ADCY5: variants seen among roughly 807,000 people sequenced by gnomAD.
ADCY5 encodes the protein adenylate cyclase 5, also known as adenylate cyclase type 5.
ADCY5 carries 30 observed loss-of-function variants against 119.7 expected under a neutral mutation model. That is an observed-to-expected ratio of 0.25 (90% confidence interval 0.19 to 0.34). The LOEUF is 0.34. Among genes scored for constraint, ADCY5 ranks in the 10% least tolerant of loss-of-function variants. The probability of loss-of-function intolerance (pLI) is 1.00; values close to 1 mark genes in which losing one functional copy is unlikely to be tolerated. For synonymous variants in ADCY5, 753 were observed against 762.2 expected (o/e 0.99, Z 0.20); for missense variants, 1,324 against 1,775.2 (o/e 0.75, Z 4.57).
chr3:123,311,501 AAG>A (rs969218666), intron 12 of ADCY5, among the ~76,000 whole-genome samples: 2 of 152,126 alleles, frequency 1.3e-5, no homozygotes, highest in African/African-American at 4.8e-5. Context: ...CACAACATAA[AAG>A]AGGGAAGAAG....
chr3:123,346,664 T>TGA (rs1293408293), intron 3 of ADCY5, among the ~76,000 whole-genome samples: 2 of 147,662 alleles, frequency 1.4e-5, no homozygotes, highest in Admixed American at 6.6e-5. Context: ...TGTGTGTGTG[T>TGA]GAGAGAGAGA....
Position 123,383,981 on chromosome 3 carries a change from CAA to C in ADCY5, c.1135-31402_1135-31401del, listed in dbSNP as rs768530369. 1.2e-3 allele frequency among the ~76,000 whole-genome samples: 79 copies of C among 67,882 alleles called. 1 individual carries two copies. The highest frequency in any genetic ancestry group is 3.6e-3 in the East Asian group (6 of 1,684). 44.5% of individuals were successfully genotyped at this position (67,882 alleles called of 152,430 possible). Reference sequence around the variant, plus strand: ...ACGTGCGCGCGCGCACACACACACACAAACACACACCCACCCTTCCTCAAGGG... The same window carrying C: ...ACGTGCGCGCGCGCACACACACACACACACACACCCACCCTTCCTCAAGGG... On this transcript the variant is annotated intron_variant, in intron 1 of 20. Transcript: ENST00000462833.
chr3:123,303,757 G>A (rs1302865522), intron 13 of ADCY5, among the ~76,000 whole-genome samples: 1 of 152,080 alleles, frequency 6.6e-6, no homozygotes, highest in Non-Finnish European at 1.5e-5. Context: ...CCCAGGAGGT[G>A]GAGGTTGCAG....
At chr3:123,382,853 G>T (rs1373189145) in intron 1 of ADCY5, among the ~76,000 whole-genome samples, 1 of 117,460 alleles carries the variant, frequency 8.5e-6, no homozygotes, top group Non-Finnish European at 1.7e-5. Context: ...CCACCATGGT[G>T]AATGTACGTA....
intron 1 of ADCY5, among the ~76,000 whole-genome samples, chr3:123,444,318 G>GC (rs1945775206): frequency 6.6e-6 from 1 of 152,214 alleles, no homozygotes; most frequent in South Asian, 2.1e-4. Flanking sequence ...AGGCTGAGAG[G>GC]CCTCGAACAG....
rs778134092 is a variant in ADCY5, at chr3:123,447,862, C to T, written c.684G>A (p.Arg228=). The change falls in exon 1 of 21, where the codon CGG becomes CGA. Residue 228 remains arginine, a synonymous_variant. Transcript: ENST00000462833. The part of the protein sequence containing the change: ...SKKFPSDKLE[R]LYQRYFFRLN... ...GGCGGAAGAAGTAGCGCTGGTACAG[C>T]CGCTCCAGTTTGTCCGACGGGAACT... is the stretch of plus-strand genomic sequence containing the variant. 3.1e-6 allele frequency: 5 copies of T among 1,612,488 alleles called. No individual in the cohort carries two copies.
intron 3 of ADCY5, among the ~76,000 whole-genome samples, chr3:123,344,869 A>ATG (rs1942456982): frequency 6.6e-6 from 1 of 152,204 alleles, no homozygotes; most frequent in Non-Finnish European, 1.5e-5. Context: ...TTGGCCTCTG[A>ATG]TGTGTACCAG....
chr3:123,313,109 G>A (rs186578219), intron 12 of ADCY5, among the ~76,000 whole-genome samples: 44 of 147,350 alleles, frequency 3.0e-4, no homozygotes, highest in Admixed American at 2.4e-3. Context: ...CTTCTCACAC[G>A]TGCCCAATGG....
intron 1 of ADCY5, among the ~76,000 whole-genome samples, chr3:123,388,538 C>T (rs1180265215): frequency 6.6e-6 from 1 of 151,584 alleles, no homozygotes; most frequent in Non-Finnish European, 1.5e-5. Context: ...GGTGCATCTC[C>T]GGAGAGGCTG....
In ADCY5 at chr3:123,448,014, C is replaced by T. The variant is rs1461410857; in HGVS notation, c.532G>A (p.Val178Ile). Residue 178 changes from valine (V) to isoleucine (I), a missense_variant, in exon 1 of 21, where the codon GTC (valine) becomes ATC (isoleucine). Coordinates refer to ENST00000462833, the MANE Select transcript of ADCY5 (RefSeq NM_183357.3). The part of the protein sequence containing the change: ...RAADELEAGA[V>I]EGGEGSGDGG... ...TCCCCGGACCCCTCGCCGCCCTCGA[C>T]GGCGCCGGCCTCCAGCTCGTCGGCC... The T allele has an allele frequency of 2.5e-5, 32 of 1,273,056 alleles. No individual in the cohort carries two copies. The highest frequency in any genetic ancestry group is 2.8e-5 in the Non-Finnish European group (28 of 1,014,992). The allele number at this position is 1,273,056 out of a possible 1,614,324, so 78.9% of individuals were successfully genotyped here.
At chr3:123,293,698 A>AG (rs1346543535) in intron 17 of ADCY5, among the ~76,000 whole-genome samples, 5 of 152,212 alleles carry the variant, frequency 3.3e-5, no homozygotes, top group Non-Finnish European at 5.9e-5. Context: ...GCTGGGAAGA[A>AG]GCCCGAGGTA....
intron 12 of ADCY5, among the ~76,000 whole-genome samples, chr3:123,308,028 C>CTTT (rs1178147327): frequency 0.021 from 1,807 of 85,768 alleles, 4 homozygotes; most frequent in Non-Finnish European, 0.028. Context: ...TTTTCATGCT[C>CTTT]TTTTTTTTTT....
intron 1 of ADCY5, among the ~76,000 whole-genome samples, chr3:123,446,212 G>A (rs1945809909): frequency 6.6e-6 from 1 of 152,180 alleles, no homozygotes; most frequent in Non-Finnish European, 1.5e-5. Flanking sequence ...CTATGTCCAG[G>A]AAGCCAGGGG....
At chr3:123,313,112 C>T (rs1940681520) in intron 12 of ADCY5, among the ~76,000 whole-genome samples, 1 of 148,264 alleles carries the variant, frequency 6.7e-6, no homozygotes, top group Non-Finnish European at 1.5e-5. Context: ...CTCACACGTG[C>T]CCAATGGCTC....
At chr3:123,299,883 C>A (rs4328752) in intron 15 of ADCY5, among the ~76,000 whole-genome samples, 7 of 152,260 alleles carry the variant, frequency 4.6e-5, no homozygotes, top group Admixed American at 6.5e-5. Flanking sequence ...CCCTGGCAAG[C>A]GGGGAGCAAA....
intron 3 of ADCY5, among the ~76,000 whole-genome samples, chr3:123,339,408 G>A (rs1393927399): frequency 6.6e-6 from 1 of 152,142 alleles, no homozygotes; most frequent in Non-Finnish European, 1.5e-5. Context: ...TCCAAGGAGT[G>A]GCACAAAAAA....
At chr3:123,363,455 A>G (rs938416393) in intron 1 of ADCY5, among the ~76,000 whole-genome samples, 1 of 152,216 alleles carries the variant, frequency 6.6e-6, no homozygotes, top group Non-Finnish European at 1.5e-5. Context: ...AGAGCTTTCC[A>G]AATATTCATA....
At chr3:123,285,690 A>G (rs535090054) in intron 20 of ADCY5, among the ~76,000 whole-genome samples, 2 of 152,308 alleles carry the variant, frequency 1.3e-5, no homozygotes, top group South Asian at 4.1e-4. Context: ...GTGGCTGCTC[A>G]GAGAGTCCCT....
intron 1 of ADCY5, among the ~76,000 whole-genome samples, chr3:123,357,572 CT>C (rs1943085224): frequency 6.6e-6 from 1 of 152,168 alleles, no homozygotes. Flanking sequence ...GTGTTCATCT[CT>C]CTTTCACTAA....
Sources: gnomAD v4.1 joint callset for allele counts (sites outside exome capture counted in the v4.1 genomes callset) on GRCh38, gnomAD v4.1.1 for gene constraint, MANE v1.5 for transcripts, NCBI Gene and HGNC (gene_info 2026-07-23, HGNC 2026-07-21) for gene names.